Variants in LARGE1 observed in about 807,000 individuals in gnomAD.
LARGE1 encodes the protein LARGE xylosyl- and glucuronyltransferase 1, also known as xylosyl- and glucuronyltransferase LARGE1.
A neutral mutation model predicts 87.6 loss-of-function variants in LARGE1; 43 were observed. The observed-to-expected ratio is 0.49, with a 90% CI of 0.38 to 0.63. The LOEUF (loss-of-function observed/expected upper bound fraction) is 0.63, where lower values mean the gene tolerates loss of function less well. Ranked by LOEUF, LARGE1 falls within the 30% of genes least tolerant of loss-of-function variation. The pLI is 0.00. For missense variants in LARGE1, 802 were observed against 1,000.2 expected (o/e 0.80, Z 2.67); for synonymous variants, 434 against 394.6 (o/e 1.10, Z -1.18).
chr22:33,277,208 C>T lies in LARGE1; in HGVS notation c.1925G>A (p.Trp642Ter). Residue 642 changes from tryptophan (W) to a stop codon, truncating the protein, a stop_gained, in exon 14 of 15, where the codon TGG becomes TAG. Coordinates refer to ENST00000397394, the MANE Select transcript of LARGE1 (RefSeq NM_133642.5). LOFTEE classifies it high-confidence loss of function. ...KGHAPTNFAK[W>*]RTATTPYRVE... Reference sequence around the variant, plus strand: ...CCGGTAAGGCGTGGTGGCGGTCCGCCACTTGGCGAAGTTTGTGGGTGCGTG... The same window carrying T: ...CCGGTAAGGCGTGGTGGCGGTCCGCTACTTGGCGAAGTTTGTGGGTGCGTG... 1.2e-6 allele frequency: 2 copies of T among 1,614,248 alleles called. No individual in the cohort carries two copies. Among genetic ancestry groups the T allele is most frequent in the Non-Finnish European group, 1.7e-6 (2 of 1,180,036 alleles).
chr22:33,726,262 T>C (rs1486775022), intron 2 of LARGE1: 1 of 152,048 alleles, frequency 6.6e-6, no homozygotes, highest in African/African-American at 2.4e-5. Flanking sequence ...ATGGGAAAAC[T>C]GGGAAATATG....
the LARGE1 span, among the ~76,000 whole-genome samples, chr22:33,084,838 CT>C: frequency 6.6e-6 from 1 of 152,134 alleles, no homozygotes; most frequent in Non-Finnish European, 1.5e-5. Flanking sequence ...AAATTATCAA[CT>C]AGATAGTTCA....
At chr22:33,547,666 T>C (rs1353163011) in intron 6 of LARGE1, among the ~76,000 whole-genome samples, 1 of 151,654 alleles carries the variant, frequency 6.6e-6, no homozygotes, top group Non-Finnish European at 1.5e-5. Context: ...TGGTGGCATG[T>C]ACCTGTAATT....
chr22:33,859,898 T>C (rs1022185229), intron 1 of LARGE1, among the ~76,000 whole-genome samples: 6 of 152,126 alleles, frequency 3.9e-5, no homozygotes, highest in Non-Finnish European at 7.3e-5. Flanking sequence ...TACTATATCA[T>C]TCCACTCATA....
Position 33,396,437 on chromosome 22 carries a change from G to T in LARGE1, c.893-12133C>A, listed in dbSNP as rs5998910. ...TCCTGAAAGCTTTTTGAGAGAGAAA[G>T]ACAGAGTGAGAGACAGAGAGAGTGA... is the stretch of plus-strand genomic sequence containing the variant. On this transcript the variant is annotated intron_variant, in intron 7 of 14. Coordinates refer to ENST00000397394, the MANE Select transcript of LARGE1 (RefSeq NM_133642.5). 8.7e-3 allele frequency among the ~76,000 whole-genome samples: 1,311 copies of T among 149,934 alleles called. 21 individuals are homozygous for T. Among genetic ancestry groups the T allele is most frequent in the African/African-American group, 0.031 (1,241 of 40,522 alleles).
intron 11 of LARGE1, among the ~76,000 whole-genome samples, chr22:33,256,715 AT>A (rs1927294312): frequency 1.3e-5 from 2 of 152,126 alleles, no homozygotes; most frequent in Non-Finnish European, 2.9e-5. Flanking sequence ...ATGCATTTTC[AT>A]TTCACCTTCA....
At chr22:33,472,161 G>T (rs1407546751) in intron 6 of LARGE1, among the ~76,000 whole-genome samples, 1 of 152,192 alleles carries the variant, frequency 6.6e-6, no homozygotes, top group Non-Finnish European at 1.5e-5. Flanking sequence ...AGTGCCATGG[G>T]TTAACTTTGA....
At chr22:33,373,531 A>G (rs1316555354) in intron 9 of LARGE1, among the ~76,000 whole-genome samples, 2 of 152,114 alleles carry the variant, frequency 1.3e-5, no homozygotes, top group Non-Finnish European at 2.9e-5. Context: ...ATCTTGCTGC[A>G]TGTGATTTTC....
intron 11 of LARGE1, among the ~76,000 whole-genome samples, chr22:33,242,234 T>G (rs1467434255): frequency 6.6e-6 from 1 of 152,216 alleles, no homozygotes; most frequent in Admixed American, 6.5e-5. Context: ...CCTGAATCAC[T>G]AATGACCTCA....
At chr22:33,088,692 CTGTT>C in the LARGE1 span, among the ~76,000 whole-genome samples, 1 of 152,100 alleles carries the variant, frequency 6.6e-6, no homozygotes, top group Admixed American at 6.6e-5. Flanking sequence ...ATACTTTCGT[CTGTT>C]TGTTTTTTAG....
intron 6 of LARGE1, among the ~76,000 whole-genome samples, chr22:33,440,751 A>G (rs1380873411): frequency 6.6e-6 from 1 of 152,238 alleles, no homozygotes; most frequent in African/African-American, 2.4e-5. Context: ...AGATGCACAC[A>G]GAACGATATT....
Position 33,626,686 on chromosome 22 carries a change from A to T in LARGE1, c.409-360T>A, listed in dbSNP as rs78948568. ...GAAATACATCTTGAAAGTATGAACCAACAATCAGGGATCTCAGACTAAGAA... is the reference window on the plus strand; with the variant it reads ...GAAATACATCTTGAAAGTATGAACCTACAATCAGGGATCTCAGACTAAGAA... On this transcript the variant is annotated intron_variant, in intron 3 of 14. Transcript: ENST00000397394. Among the ~76,000 whole-genome samples, 1,278 of 152,332 alleles carry T rather than the reference A, an allele frequency of 8.4e-3. 16 individuals are homozygous for T. Among genetic ancestry groups the T allele is most frequent in the African/African-American group, 0.029 (1,216 of 41,578 alleles).
At chr22:33,679,755 T>C (rs371738516) in intron 2 of LARGE1, among the ~76,000 whole-genome samples, 5 of 152,096 alleles carry the variant, frequency 3.3e-5, no homozygotes, top group Non-Finnish European at 7.4e-5. Context: ...GGCAGGAGAA[T>C]TGCTTGAACC....
chr22:33,892,401 A>G (rs7285532), intron 1 of LARGE1, among the ~76,000 whole-genome samples: 14,936 of 152,184 alleles, frequency 0.098, 2,259 homozygotes, highest in African/African-American at 0.33. Context: ...AATGCTCAAG[A>G]TCTTTTAAGG....
At chr22:33,671,461 C>A (rs2081410273) in intron 2 of LARGE1, among the ~76,000 whole-genome samples, 1 of 152,226 alleles carries the variant, frequency 6.6e-6, no homozygotes. Context: ...GTGTTTCATA[C>A]TCTACAATTA....
At chr22:33,197,308 T>G (rs1003382179) in intron 11 of LARGE1, among the ~76,000 whole-genome samples, 11 of 151,954 alleles carry the variant, frequency 7.2e-5, no homozygotes, top group African/African-American at 2.2e-4. Context: ...CAAAGATACA[T>G]AAAATAAAAC....
chr22:33,456,874 G>A (rs927462489), intron 6 of LARGE1, among the ~76,000 whole-genome samples: 2 of 152,196 alleles, frequency 1.3e-5, no homozygotes, highest in Admixed American at 6.6e-5. Context: ...GACCTGGACT[G>A]GGAACAGGAG....
chr22:33,289,786 CTG>C (rs1932202627), intron 12 of LARGE1, among the ~76,000 whole-genome samples: 2 of 152,114 alleles, frequency 1.3e-5, no homozygotes, highest in Admixed American at 1.3e-4. Flanking sequence ...AGTGGGGAAA[CTG>C]TGAATTTGAT....
intron 12 of LARGE1, among the ~76,000 whole-genome samples, chr22:33,300,641 A>G (rs1056945981): frequency 1.3e-5 from 2 of 152,132 alleles, no homozygotes; most frequent in Non-Finnish European, 2.9e-5. Context: ...TCCGGGGTTC[A>G]AGCGATTCCC....
Sources: allele counts gnomAD v4.1 joint callset (sites outside exome capture counted in the v4.1 genomes callset), GRCh38; gene constraint gnomAD v4.1.1; transcripts MANE v1.5; gene names NCBI Gene and HGNC (gene_info 2026-07-23, HGNC 2026-07-21).